The following UBE2E2 variants were observed in gnomAD, a reference collection of about 807,000 sequenced individuals.
The protein encoded by UBE2E2 is ubiquitin conjugating enzyme E2 E2.
UBE2E2 carries 6 observed loss-of-function variants against 24.7 expected under a neutral mutation model. The observed-to-expected ratio is 0.24, with a 90% CI of 0.13 to 0.48. The LOEUF is 0.48. UBE2E2 is among the 20% of genes least tolerant of loss of function. The probability of loss-of-function intolerance (pLI) is 0.99; values close to 1 mark genes in which losing one functional copy is unlikely to be tolerated. For missense variants in UBE2E2, 169 were observed against 245.0 expected (o/e 0.69, Z 2.07); for synonymous variants, 104 against 83.6 (o/e 1.24, Z -1.33).
At chr3:23,288,736 G>T (rs1035354723) in intron 3 of UBE2E2, among the ~76,000 whole-genome samples, 2 of 149,616 alleles carry the variant, frequency 1.3e-5, no homozygotes, top group Admixed American at 6.7e-5. Flanking sequence ...TTTTTAGCTG[G>T]TATTCTTTGC....
At chr3:23,508,776 C>T (rs538832873) in intron 4 of UBE2E2, among the ~76,000 whole-genome samples, 2 of 152,304 alleles carry the variant, frequency 1.3e-5, no homozygotes, top group South Asian at 2.1e-4. Context: ...TTACTGTCAG[C>T]ATAACTGGGA....
chr3:23,551,990 C>CTT (rs1398990367), intron 5 of UBE2E2, among the ~76,000 whole-genome samples: 1 of 152,180 alleles, frequency 6.6e-6, no homozygotes, highest in East Asian at 1.9e-4. Flanking sequence ...CCAGAGAACT[C>CTT]TGTCTTTCTG....
At chr3:23,531,814 C>A (rs1032004233) in intron 4 of UBE2E2, among the ~76,000 whole-genome samples, 4 of 152,064 alleles carry the variant, frequency 2.6e-5, no homozygotes, top group African/African-American at 9.7e-5. Context: ...GTAATCCTAG[C>A]ACTTTGGGAG....
chr3:23,255,038 T>A (rs921365283), intron 3 of UBE2E2, among the ~76,000 whole-genome samples: 1 of 151,620 alleles, frequency 6.6e-6, no homozygotes, highest in Non-Finnish European at 1.5e-5. Flanking sequence ...TTAAGAACAG[T>A]TCGTTGAGAA....
At chr3:23,570,388 C>T (rs964313003) in intron 5 of UBE2E2, among the ~76,000 whole-genome samples, 7 of 152,124 alleles carry the variant, frequency 4.6e-5, no homozygotes, top group African/African-American at 1.7e-4. Context: ...ACTCAACCCC[C>T]TTGCCCAGCC....
chr3:23,557,941 T>C (rs529519840), intron 5 of UBE2E2, among the ~76,000 whole-genome samples: 11 of 152,298 alleles, frequency 7.2e-5, no homozygotes, highest in African/African-American at 2.6e-4. Flanking sequence ...GCTTTTTGTC[T>C]ATATTGACAT....
chr3:23,448,555 G>A (rs1698484571), intron 3 of UBE2E2, among the ~76,000 whole-genome samples: 1 of 152,098 alleles, frequency 6.6e-6, no homozygotes, highest in Admixed American at 6.6e-5. Context: ...TGTCGTGAAA[G>A]TATTTCAACT....
intron 3 of UBE2E2, among the ~76,000 whole-genome samples, chr3:23,263,111 G>C (rs1378907400): frequency 6.6e-6 from 1 of 152,194 alleles, no homozygotes; most frequent in East Asian, 1.9e-4. Context: ...TCTTAGCTGA[G>C]ATGGAGAGCA....
At chr3:23,456,944 A>G (rs763746531) in intron 3 of UBE2E2, among the ~76,000 whole-genome samples, 6 of 152,202 alleles carry the variant, frequency 3.9e-5, no homozygotes, top group African/African-American at 1.2e-4. Context: ...TACCCACACA[A>G]TGGGTGGGTT....
chr3:23,250,495 CTATT>C (rs774867692), intron 3 of UBE2E2, among the ~76,000 whole-genome samples: 3 of 152,122 alleles, frequency 2.0e-5, no homozygotes, highest in Non-Finnish European at 4.4e-5. Flanking sequence ...CACCAGAAAA[CTATT>C]TAGTCCTATA....
chr3:23,487,303 G>C (rs1699394634), intron 3 of UBE2E2, among the ~76,000 whole-genome samples: 1 of 152,202 alleles, frequency 6.6e-6, no homozygotes, highest in Non-Finnish European at 1.5e-5. Context: ...GGGGCAGGGG[G>C]CTTTCCAGGT....
intron 3 of UBE2E2, among the ~76,000 whole-genome samples, chr3:23,383,473 C>A (rs1243196548): frequency 1.3e-5 from 2 of 149,200 alleles, no homozygotes; most frequent in African/African-American, 2.5e-5. Context: ...TTTTATCCCC[C>A]TTTTTTTTTT....
intron 3 of UBE2E2, among the ~76,000 whole-genome samples, chr3:23,480,834 T>A (rs1163936111): frequency 1.4e-4 from 21 of 152,144 alleles, no homozygotes; most frequent in Admixed American, 1.2e-3. Context: ...AAAATAAAAA[T>A]GAAACTAAGC....
At chr3:23,521,726 G>A (rs1313710853) in intron 4 of UBE2E2, among the ~76,000 whole-genome samples, 2 of 152,066 alleles carry the variant, frequency 1.3e-5, no homozygotes, top group African/African-American at 2.4e-5. Flanking sequence ...TTGTTTGTTT[G>A]TTTTAGCTCA....
chr3:23,522,255 G>A (rs895012156), intron 4 of UBE2E2, among the ~76,000 whole-genome samples: 10 of 150,836 alleles, frequency 6.6e-5, no homozygotes, highest in Non-Finnish European at 1.2e-4. Context: ...CTCAGCCTCC[G>A]GAGTAGCTGG....
chr3:23,246,237 T>TTTTTTTTCTC (rs1553634256), intron 3 of UBE2E2, among the ~76,000 whole-genome samples: 1 of 139,392 alleles, frequency 7.2e-6, no homozygotes, highest in African/African-American at 2.7e-5. Context: ...TTTTTTTTTT[T>TTTTTTTTCTC]CGAGATGGAG....
chr3:23,466,180 G>A (rs1336897500), intron 3 of UBE2E2, among the ~76,000 whole-genome samples: 1 of 152,098 alleles, frequency 6.6e-6, no homozygotes, highest in Non-Finnish European at 1.5e-5. Context: ...GCACACCAAA[G>A]CCATGACTTC....
rs192154571 is a variant in UBE2E2 at position 23,380,018 on chromosome 3, A to G, written c.228-119590A>G. ...TCATAAATTAACTTAGTGAAACTAC[A>G]CTAGAGCTAAAACTGTTACTTTACC... On this transcript the variant is annotated intron_variant, in intron 3 of 5. Transcript: ENST00000396703. Among the ~76,000 whole-genome samples, 114 of 151,400 alleles carry G rather than the reference A, an allele frequency of 7.5e-4. 3 individuals carry two copies. In the East Asian group the frequency reaches 0.016, roughly 21 times the overall value.
At chr3:23,375,387 T>C (rs1696495850) in intron 3 of UBE2E2, among the ~76,000 whole-genome samples, 1 of 152,172 alleles carries the variant, frequency 6.6e-6, no homozygotes, top group Non-Finnish European at 1.5e-5. Context: ...AAATTTATGG[T>C]GTGTTTTTGA....
Sources: allele counts gnomAD v4.1 joint callset (sites outside exome capture counted in the v4.1 genomes callset), GRCh38; gene constraint gnomAD v4.1.1; transcripts MANE v1.5; gene names NCBI Gene and HGNC (gene_info 2026-07-23, HGNC 2026-07-21).